Variants in NEBL observed in about 807,000 individuals in gnomAD.
The protein encoded by NEBL is nebulette, also known as LIM and SH3 protein 2.
NEBL carries 122 observed loss-of-function variants against 140.2 expected under a neutral mutation model. That is an observed-to-expected ratio of 0.87 (90% CI 0.75 to 1.01). The LOEUF (loss-of-function observed/expected upper bound fraction) is 1.01. Ranked by LOEUF, NEBL falls within the 50% of genes least tolerant of loss-of-function variation. The pLI is 0.00. For synonymous variants in NEBL, 436 were observed against 398.9 expected (o/e 1.09, Z -1.11); for missense variants, 1,365 against 1,231.3 (o/e 1.11, Z -1.62).
At chr10:21,120,997 A>G (rs1255585360) in intron 2 of NEBL, among the ~76,000 whole-genome samples, 1 of 152,170 alleles carries the variant, frequency 6.6e-6, no homozygotes, top group African/African-American at 2.4e-5. Flanking sequence ...GCTTTATACA[A>G]TAACTTCTGA....
intron 2 of NEBL, chr10:21,172,233 A>T (rs567656827): frequency 2.9e-6 from 2 of 690,468 alleles, no homozygotes; most frequent in African/African-American, 3.6e-5. Flanking sequence ...TCAACAAAGT[A>T]CATGGCCCCA....
intron 4 of NEBL, among the ~76,000 whole-genome samples, chr10:20,915,054 C>T (rs1017764653): frequency 4.7e-4 from 70 of 149,324 alleles, no homozygotes; most frequent in African/African-American, 1.7e-3. Flanking sequence ...CCACCCACCT[C>T]AGCCTCCCAG....
chr10:21,084,223 G>T (rs1032178358), intron 2 of NEBL, among the ~76,000 whole-genome samples: 1 of 152,230 alleles, frequency 6.6e-6, no homozygotes, highest in Non-Finnish European at 1.5e-5. Context: ...ACCGCAAGTG[G>T]TCACAGTGTG....
chr10:21,017,000 A>T (rs1337682371), intron 3 of NEBL, among the ~76,000 whole-genome samples: 1 of 152,216 alleles, frequency 6.6e-6, no homozygotes, highest in East Asian at 1.9e-4. Flanking sequence ...TTGTATTGCA[A>T]TTCTTTGCTT....
intron 3 of NEBL, among the ~76,000 whole-genome samples, chr10:21,232,281 C>T (rs72798593): frequency 0.04 from 6,131 of 152,162 alleles, 191 homozygotes; most frequent in South Asian, 0.14. Context: ...TTAGATAGTC[C>T]AGAAAAGCTT....
At chr10:21,025,211 A>G (rs1477167425) in intron 2 of NEBL, among the ~76,000 whole-genome samples, 9 of 152,196 alleles carry the variant, frequency 5.9e-5, no homozygotes, top group Admixed American at 5.9e-4. Context: ...GGAAAACAAA[A>G]CATAATTGTG....
chr10:20,856,600 C>T (rs766244967), intron 9 of NEBL, among the ~76,000 whole-genome samples: 5 of 151,930 alleles, frequency 3.3e-5, no homozygotes, highest in Non-Finnish European at 4.4e-5. Flanking sequence ...AGAAAAAAGA[C>T]AGAAATAGAG....
intron 2 of NEBL, among the ~76,000 whole-genome samples, chr10:21,094,525 A>AT (rs1837088687): frequency 6.7e-6 from 1 of 149,844 alleles, no homozygotes; most frequent in Non-Finnish European, 1.5e-5. Context: ...AAAAAAAAAA[A>AT]AAAAAAATTA....
intron 2 of NEBL, among the ~76,000 whole-genome samples, chr10:21,106,688 T>G (rs948010942): frequency 1.4e-4 from 22 of 152,336 alleles, no homozygotes; most frequent in Admixed American, 3.9e-4. Context: ...TGGTTCCATA[T>G]GAACTTTAAA....
chr10:20,994,239 C>T (rs540979808), intron 3 of NEBL, among the ~76,000 whole-genome samples: 30 of 152,298 alleles, frequency 2.0e-4, no homozygotes, highest in Non-Finnish European at 2.9e-4. Context: ...TACTTAATTG[C>T]TCTCTTTAGT....
chr10:20,952,335 G>A (rs953636025), intron 4 of NEBL, among the ~76,000 whole-genome samples: 3 of 151,590 alleles, frequency 2.0e-5, no homozygotes, highest in African/African-American at 7.3e-5. Flanking sequence ...TACTAGGGAG[G>A]CTGAGGCAGG....
Position 21,280,406 on chromosome 10 carries a change from C to T in NEBL, n.182+12424G>A, listed in dbSNP as rs1352583065. Among the ~76,000 whole-genome samples the T allele has an allele frequency of 3.3e-5, 5 of 152,168 alleles. No homozygotes were observed. The South Asian group carries it at 6.2e-4, about 19-fold the overall frequency. ...GTAAGTCCCTTTAGGAGTTGGATTT[C>T]GGGCAAAGAGCAATGAATGGGGAGA... On this transcript the variant is annotated intron_variant and non_coding_transcript_variant, in intron 1 of 8. Transcript: ENST00000675702.
At chr10:21,239,024 C>G (rs1410187167) in intron 3 of NEBL, among the ~76,000 whole-genome samples, 1 of 152,170 alleles carries the variant, frequency 6.6e-6, no homozygotes, top group Non-Finnish European at 1.5e-5. Flanking sequence ...GCCTGAAACT[C>G]TTGTTTCTGT....
intron 2 of NEBL, among the ~76,000 whole-genome samples, chr10:21,082,913 C>T (rs920231877): frequency 4.6e-5 from 7 of 152,112 alleles, no homozygotes; most frequent in African/African-American, 1.4e-4. Context: ...CAGGCGCCTG[C>T]CACCACACCT....
At chr10:21,048,713 AG>A (rs1455560937) in intron 2 of NEBL, among the ~76,000 whole-genome samples, 7 of 152,250 alleles carry the variant, frequency 4.6e-5, no homozygotes, top group African/African-American at 1.7e-4. Context: ...CTAAAGGTCT[AG>A]GCCGGGCACA....
upstream of NEBL, among the ~76,000 whole-genome samples, chr10:21,177,630 C>G (rs6482165): frequency 0.13 from 18,980 of 151,804 alleles, 2,404 homozygotes; most frequent in African/African-American, 0.31. Context: ...CCCGGGTTCA[C>G]TCCATTCTCC....
rs149653685 is a variant in NEBL, at chr10:21,226,288, C to T, written n.348+21633G>A. Among the ~76,000 whole-genome samples, 895 of 151,788 alleles carry T rather than the reference C, an allele frequency of 5.9e-3. 8 individuals are homozygous for T. Among genetic ancestry groups the T allele is most frequent in the Non-Finnish European group, 0.01 (684 of 67,972 alleles). On this transcript the variant is annotated intron_variant and non_coding_transcript_variant, in intron 3 of 8. Transcript: ENST00000675702. ...TAAAGTCCTCTTTCCCCTCTCCTCTCCTCAAGCAGAAGGAAGGATCTCTTC... is the reference window on the plus strand; with the variant it reads ...TAAAGTCCTCTTTCCCCTCTCCTCTTCTCAAGCAGAAGGAAGGATCTCTTC...
intron 26 of NEBL, among the ~76,000 whole-genome samples, chr10:20,805,850 C>A (rs1446616253): frequency 1.8e-5 from 2 of 112,798 alleles, no homozygotes; most frequent in Non-Finnish European, 3.5e-5. Flanking sequence ...GAGACTCCGT[C>A]TCAAAAAAAA....
At chr10:20,895,743 A>C (rs1847420154) in intron 2 of NEBL, among the ~76,000 whole-genome samples, 1 of 152,138 alleles carries the variant, frequency 6.6e-6, no homozygotes, top group Non-Finnish European at 1.5e-5. Flanking sequence ...TTCCACCAGC[A>C]TCCTTTGTGC....
Sources: gnomAD v4.1 joint callset for allele counts (sites outside exome capture counted in the v4.1 genomes callset) on GRCh38, gnomAD v4.1.1 for gene constraint, MANE v1.5 for transcripts, NCBI Gene and HGNC (gene_info 2026-07-23, HGNC 2026-07-21) for gene names.